Variants in SCARA3 observed in about 807,000 individuals in gnomAD.
The protein encoded by SCARA3 is cellular stress response gene protein.
Under a neutral mutation model 47.0 loss-of-function variants are expected in SCARA3, and 39 were observed. The ratio of observed to expected loss-of-function variants is 0.83; its 90% confidence interval spans 0.64 to 1.08. SCARA3 has a LOEUF of 1.08. Among genes scored for constraint, SCARA3 ranks in the 50% least tolerant of loss-of-function variants. The probability of loss-of-function intolerance (pLI) is 0.00; values close to 1 mark genes in which losing one functional copy is unlikely to be tolerated. For synonymous variants in SCARA3, 356 were observed against 334.1 expected (o/e 1.07, Z -0.71); for missense variants, 724 against 792.3 (o/e 0.91, Z 1.04).
intron 1 of SCARA3, among the ~76,000 whole-genome samples, chr8:27,636,326 A>C (rs1801248980): frequency 6.6e-6 from 1 of 151,950 alleles, no homozygotes; most frequent in Non-Finnish European, 1.5e-5. Context: ...AATTCTAGCT[A>C]CTCCGGAGCC....
At chr8:27,675,887 G>A (rs542214556), downstream of SCARA3, among the ~76,000 whole-genome samples, 6 of 152,092 alleles carry the variant, frequency 3.9e-5, no homozygotes, top group Admixed American at 1.3e-4. Flanking sequence ...GGAATGGGGC[G>A]GGACGGGGTG....
At chr8:27,696,394 A>C in the SCARA3 span, among the ~76,000 whole-genome samples, 1 of 152,200 alleles carries the variant, frequency 6.6e-6, no homozygotes, top group African/African-American at 2.4e-5. Flanking sequence ...CATCAGAAAT[A>C]GTAGAGATCA....
chr8:27,638,804 A>T (rs1213006538), intron 1 of SCARA3, among the ~76,000 whole-genome samples: 1 of 152,190 alleles, frequency 6.6e-6, no homozygotes, highest in African/African-American at 2.4e-5. Flanking sequence ...ACTAACAGTG[A>T]TAAGTGTCTT....
chr8:27,660,616 G>C (rs559041277), intron 5 of SCARA3, among the ~76,000 whole-genome samples: 2 of 91,608 alleles, frequency 2.2e-5, no homozygotes, highest in Non-Finnish European at 2.2e-5. Flanking sequence ...CATAGAGATA[G>C]ATGATAGATA....
At chr8:27,663,094 T>C (rs1036006137) in intron 5 of SCARA3, among the ~76,000 whole-genome samples, 2 of 152,208 alleles carry the variant, frequency 1.3e-5, no homozygotes, top group African/African-American at 2.4e-5. Flanking sequence ...AGCCAAACAA[T>C]TGGCCACAGC....
the SCARA3 span, among the ~76,000 whole-genome samples, chr8:27,721,704 T>G: frequency 6.6e-6 from 1 of 152,188 alleles, no homozygotes; most frequent in Admixed American, 6.5e-5. Context: ...TGCTGATGTT[T>G]GGCTTTGAGC....
the SCARA3 span, among the ~76,000 whole-genome samples, chr8:27,715,839 T>TAGAC: frequency 1.5e-3 from 167 of 108,646 alleles, 1 homozygote; most frequent in Non-Finnish European, 6.1e-4. The surrounding 1 kb of genome is among the most constrained non-coding windows in gnomAD (Gnocchi z 4.2). Flanking sequence ...GATAGATAGA[T>TAGAC]AGATAGATAG....
the SCARA3 span, among the ~76,000 whole-genome samples, chr8:27,727,881 G>A: frequency 6.6e-6 from 1 of 152,190 alleles, no homozygotes; most frequent in Non-Finnish European, 1.5e-5. Flanking sequence ...TACAAGATGT[G>A]ACAATTTAAA....
At chr8:27,729,856 C>T in the SCARA3 span, among the ~76,000 whole-genome samples, 1 of 152,166 alleles carries the variant, frequency 6.6e-6, no homozygotes, top group African/African-American at 2.4e-5. Context: ...CCTAAATGCA[C>T]ACCGCGGAAG....
the SCARA3 span, among the ~76,000 whole-genome samples, chr8:27,700,060 T>C: frequency 1.3e-5 from 2 of 152,074 alleles, no homozygotes; most frequent in Admixed American, 6.6e-5. Context: ...AAAAACTAAA[T>C]CTATAAAACT....
intron 3 of SCARA3, among the ~76,000 whole-genome samples, chr8:27,653,886 T>G (rs1394417425): frequency 6.6e-6 from 1 of 152,156 alleles, no homozygotes; most frequent in African/African-American, 2.4e-5. Context: ...AGTAAATATT[T>G]TAGGCTTTTC....
At chr8:27,651,722 C>G in intron 3 of SCARA3, 95 bp downstream of exon 3, 1 of 1,508,132 alleles carries the variant, frequency 6.6e-7, no homozygotes, top group Non-Finnish European at 9.0e-7. Flanking sequence ...CACTTGACAT[C>G]TGTATCCCAG....
Position 27,634,154 on chromosome 8 carries a change from C to G in SCARA3, c.-47C>G, listed in dbSNP as rs781268925. ...CCGGCCGCCCGGCTCCACTACAGCT[C>G]CAGCCGCCTGCAGCGGGGCCCTCCT... On this transcript the variant is annotated 5_prime_UTR_variant, in exon 1 of 6. Transcript: ENST00000301904. The G allele has an allele frequency of 2.1e-6, 3 of 1,452,884 alleles. No individual in the cohort carries two copies. The highest frequency in any genetic ancestry group is 1.5e-5 in the African/African-American group (1 of 68,176). 90.0% of individuals were successfully genotyped at this position (1,452,884 alleles called of 1,614,324 possible).
the SCARA3 span, among the ~76,000 whole-genome samples, chr8:27,706,892 A>G: frequency 1.3e-5 from 2 of 152,128 alleles, no homozygotes; most frequent in Non-Finnish European, 2.9e-5. Flanking sequence ...TGAAGGCACC[A>G]GGTAGGGAGG....
At position 27,633,960 on chromosome 8, in the gene SCARA3, G is replaced by A; in HGVS notation, c.-241G>A. 1 of 188,692 alleles carries A rather than the reference G, an allele frequency of 5.3e-6. No homozygotes were observed. Among genetic ancestry groups the A allele is most frequent in the Non-Finnish European group, 1.1e-5 (1 of 93,072 alleles). The allele number at this position is 188,692 out of a possible 1,614,324, so 11.7% of individuals were successfully genotyped here. The stretch of plus-strand genomic sequence containing the variant: ...GGCGGCGGGATGCGCGCTCTGGGCG[G>A]CGGGGCGCGGCGCTAGGCGCCCGGC... On this transcript the variant is annotated 5_prime_UTR_variant, in exon 1 of 6. Transcript: ENST00000301904.
At chr8:27,697,292 C>T in the SCARA3 span, 23 of 218,904 alleles carry the variant, frequency 1.1e-4, no homozygotes, top group Non-Finnish European at 2.0e-5. Flanking sequence ...CCCATGTCAT[C>T]TAAATTCTCC....
At chr8:27,708,119 T>G in the SCARA3 span, among the ~76,000 whole-genome samples, 16 of 152,136 alleles carry the variant, frequency 1.1e-4, no homozygotes, top group East Asian at 3.1e-3. Context: ...TAAAGAAAAG[T>G]CTTAGAGGAC....
At chr8:27,669,964 T>G (rs1563413972) in intron 5 of SCARA3, among the ~76,000 whole-genome samples, 1 of 151,982 alleles carries the variant, frequency 6.6e-6, no homozygotes, top group Non-Finnish European at 1.5e-5. Context: ...CCTTGTGTCC[T>G]CAGGGTTGGC....
downstream of SCARA3, among the ~76,000 whole-genome samples, chr8:27,679,660 A>T (rs576583464): frequency 6.6e-6 from 1 of 152,338 alleles, no homozygotes; most frequent in South Asian, 2.1e-4. Context: ...ACAACTCCAG[A>T]ACATACATTA....
Sources: gnomAD v4.1 joint callset for allele counts (sites outside exome capture counted in the v4.1 genomes callset) on GRCh38, gnomAD v4.1.1 for gene constraint, Gnocchi (gnomAD v3.1) non-coding constraint, MANE v1.5 for transcripts, NCBI Gene and HGNC (gene_info 2026-07-23, HGNC 2026-07-21) for gene names.